CYP2C19: variants seen among roughly 807,000 people sequenced by gnomAD.
CYP2C19 encodes the protein cytochrome P450 2C19.
CYP2C19 carries 59 observed loss-of-function variants against 40.9 expected under a neutral mutation model. The ratio of observed to expected loss-of-function variants is 1.44; its 90% CI spans 1.17 to 1.79. The LOEUF is 1.79. CYP2C19 is among the 40% of genes most tolerant of loss of function. CYP2C19 has a pLI of 0.00. For synonymous variants in CYP2C19, 253 were observed against 208.7 expected, an observed-to-expected ratio of 1.21 and a Z score of -1.83; for missense variants, 754 against 596.9, an observed-to-expected ratio of 1.26 and a Z score of -2.74.
chr10:94,822,601 G>C (rs1439151953), intron 6 of CYP2C19, among the ~76,000 whole-genome samples: 1 of 152,154 alleles, frequency 6.6e-6, no homozygotes, highest in Non-Finnish European at 1.5e-5. Flanking sequence ...TAGTTGGATT[G>C]CTGGGTCAAC....
chr10:94,827,427 T>C (rs1432890654), intron 6 of CYP2C19, among the ~76,000 whole-genome samples: 1 of 152,034 alleles, frequency 6.6e-6, no homozygotes, highest in East Asian at 1.9e-4. Flanking sequence ...CCATTTCTTC[T>C]AGATTTTCTA....
chr10:94,833,696 A>T (rs970749168), intron 6 of CYP2C19, among the ~76,000 whole-genome samples: 1 of 152,164 alleles, frequency 6.6e-6, no homozygotes, highest in African/African-American at 2.4e-5. Flanking sequence ...TTTTTAATGA[A>T]TTTTTATCAT....
At chr10:94,851,033 C>T (rs771467338) in intron 8 of CYP2C19, among the ~76,000 whole-genome samples, 2 of 152,246 alleles carry the variant, frequency 1.3e-5, no homozygotes, top group East Asian at 3.9e-4. Flanking sequence ...AGAAACCTTC[C>T]TTCAAGCATT....
intron 7 of CYP2C19, 146 bp from the exon 8 acceptor site, chr10:94,849,771 T>C: frequency 1.0e-6 from 1 of 993,468 alleles, no homozygotes; most frequent in Middle Eastern, 2.5e-4. Context: ...TATTACTTCG[T>C]CTATCTGTCT....
intron 6 of CYP2C19, among the ~76,000 whole-genome samples, chr10:94,824,971 A>G (rs2134272160): frequency 6.9e-6 from 1 of 144,684 alleles, no homozygotes. Flanking sequence ...CCATGTCCCT[A>G]CAAAGGACAT....
At chr10:94,776,469 C>T (rs1256369943) in intron 3 of CYP2C19, 2 of 152,074 alleles carry the variant, frequency 1.3e-5, no homozygotes, top group African/African-American at 4.8e-5. Context: ...TTTTTAAATT[C>T]TGTTTTCCAA....
intron 5 of CYP2C19, among the ~76,000 whole-genome samples, chr10:94,794,835 A>T (rs1848659641): frequency 6.6e-6 from 1 of 152,060 alleles, no homozygotes; most frequent in South Asian, 2.1e-4. Context: ...ATACACAATC[A>T]TGTCATCTGC....
chr10:94,797,642 C>T lies in CYP2C19; in HGVS notation c.819+15645C>T, dbSNP rs551006449. ...CTGAACTTTTTTTTTGGTTGGTAGGCTATTAATTATTGCCTTAATTTCATA... is the reference window on the plus strand; with the variant it reads ...CTGAACTTTTTTTTTGGTTGGTAGGTTATTAATTATTGCCTTAATTTCATA... On this transcript the variant is annotated intron_variant, in intron 5 of 8. Coordinates refer to ENST00000371321, the MANE Select transcript of CYP2C19 (RefSeq NM_000769.4). Among the ~76,000 whole-genome samples, 4 of 152,046 alleles carry T rather than the reference C, an allele frequency of 2.6e-5. No individual in the cohort carries two copies. The South Asian group carries it at 8.3e-4, about 32-fold the overall frequency.
At chr10:94,819,031 C>G (rs1849065845) in intron 5 of CYP2C19, among the ~76,000 whole-genome samples, 1 of 149,316 alleles carries the variant, frequency 6.7e-6, no homozygotes, top group Non-Finnish European at 1.5e-5. Flanking sequence ...GAAATTATAA[C>G]AAACTATCTC....
intron 5 of CYP2C19, among the ~76,000 whole-genome samples, chr10:94,801,967 G>A (rs1048175530): frequency 7.9e-5 from 12 of 152,266 alleles, no homozygotes; most frequent in South Asian, 4.2e-4. Context: ...TGTGGAGAGC[G>A]AAAGAACAAA....
chr10:94,831,718 T>C lies in CYP2C19; in HGVS notation c.961+11081T>C, dbSNP rs56717990. 3.4e-3 allele frequency among the ~76,000 whole-genome samples: 518 copies of C among 152,360 alleles called. 2 individuals carry two copies. Among genetic ancestry groups the C allele is most frequent in the African/African-American group, 0.012 (502 of 41,586 alleles). Reference sequence around the variant, plus strand: ...CATGTCTTCTTTTGAGAAATGTCTATTCAAATCTTTTGCCCACTTGTGGAC... The same window carrying C: ...CATGTCTTCTTTTGAGAAATGTCTACTCAAATCTTTTGCCCACTTGTGGAC... On this transcript the variant is annotated intron_variant, in intron 6 of 8. Coordinates refer to ENST00000371321, the MANE Select transcript of CYP2C19 (RefSeq NM_000769.4).
intron 5 of CYP2C19, among the ~76,000 whole-genome samples, chr10:94,788,398 T>A (rs1005035616): frequency 5.9e-5 from 9 of 152,072 alleles, no homozygotes; most frequent in African/African-American, 1.4e-4. Context: ...GGGTATTTTT[T>A]AAAATTTTTA....
chr10:94,843,093 C>A (rs1849521095), intron 7 of CYP2C19, 69 bp downstream of exon 7: 1 of 1,574,842 alleles, frequency 6.3e-7, no homozygotes, highest in Non-Finnish European at 8.7e-7. Context: ...ATGATTCTTA[C>A]CCTCTACCAT....
chr10:94,784,733 G>A (rs1207090972), intron 5 of CYP2C19, among the ~76,000 whole-genome samples: 9 of 151,952 alleles, frequency 5.9e-5, no homozygotes, highest in African/African-American at 2.2e-4. Context: ...GGGATTACAG[G>A]AATGTGCCAC....
At chr10:94,794,283 G>A (rs2134248071) in intron 5 of CYP2C19, among the ~76,000 whole-genome samples, 1 of 152,194 alleles carries the variant, frequency 6.6e-6, no homozygotes, top group African/African-American at 2.4e-5. Context: ...CTTGGAAAGG[G>A]AATTCCCCCA....
intron 6 of CYP2C19, among the ~76,000 whole-genome samples, chr10:94,821,252 A>C (rs1327018833): frequency 6.6e-6 from 1 of 152,198 alleles, no homozygotes; most frequent in Non-Finnish European, 1.5e-5. Flanking sequence ...AAGAGACAAC[A>C]TAAGTTGGCC....
chr10:94,828,424 T>C (rs1057199074), intron 6 of CYP2C19, among the ~76,000 whole-genome samples: 3 of 149,874 alleles, frequency 2.0e-5, no homozygotes, highest in Non-Finnish European at 3.0e-5. Flanking sequence ...GTAATGGCCT[T>C]CTTTGTCTCT....
chr10:94,852,157 G>T (rs1438714068), intron 8 of CYP2C19, among the ~76,000 whole-genome samples: 3 of 152,080 alleles, frequency 2.0e-5, no homozygotes, highest in Non-Finnish European at 4.4e-5. Flanking sequence ...TCATCAGACT[G>T]GAAACAGAAT....
intron 1 of CYP2C19, among the ~76,000 whole-genome samples, chr10:94,768,770 C>G (rs1848285629): frequency 6.6e-6 from 1 of 152,124 alleles, no homozygotes; most frequent in African/African-American, 2.4e-5. Flanking sequence ...TTTCACGAGT[C>G]TGAGTAAGGA....
Sources: gnomAD v4.1 joint callset for allele counts (sites outside exome capture counted in the v4.1 genomes callset) on GRCh38, gnomAD v4.1.1 for gene constraint, MANE v1.5 for transcripts, NCBI Gene and HGNC (gene_info 2026-07-23, HGNC 2026-07-21) for gene names.